NRXN1: variants seen among roughly 807,000 people sequenced by gnomAD.
The protein encoded by NRXN1 is neurexin-1.
Under a neutral mutation model 150.9 loss-of-function variants are expected in NRXN1, and 39 were observed. The observed-to-expected ratio is 0.26, with a 90% CI of 0.20 to 0.34. The LOEUF is 0.34. Ranked by LOEUF, NRXN1 falls within the 10% of genes least tolerant of loss-of-function variation. The pLI, the probability that NRXN1 is intolerant of heterozygous loss-of-function variation, is 1.00. For missense variants in NRXN1, 1,815 were observed against 1,949.9 expected (o/e 0.93, Z 1.30); for synonymous variants, 924 against 757.0 (o/e 1.22, Z -3.62).
intron 21 of NRXN1, among the ~76,000 whole-genome samples, chr2:50,004,672 T>G (rs1231494661): frequency 1.3e-5 from 2 of 152,142 alleles, no homozygotes; most frequent in Non-Finnish European, 2.9e-5. Flanking sequence ...ATCAACAACC[T>G]GAAGGTAGGC....
intron 2 of NRXN1, among the ~76,000 whole-genome samples, chr2:50,970,974 A>G (rs1694902695): frequency 6.6e-6 from 1 of 152,140 alleles, no homozygotes; most frequent in Admixed American, 6.6e-5. Flanking sequence ...GAAAATCACA[A>G]TATTTTTTAG....
intron 8 of NRXN1, among the ~76,000 whole-genome samples, chr2:50,577,068 T>C (rs1228794821): frequency 1.3e-5 from 2 of 152,116 alleles, no homozygotes; most frequent in East Asian, 1.9e-4. Context: ...TACTATTTGG[T>C]TGTGAATTTT....
At chr2:50,606,540 A>G (rs1408561544) in intron 8 of NRXN1, among the ~76,000 whole-genome samples, 1 of 151,334 alleles carries the variant, frequency 6.6e-6, no homozygotes, top group Non-Finnish European at 1.5e-5. Flanking sequence ...GTGCCTCTAC[A>G]TAACAATACT....
chr2:50,219,884 C>CAT (rs1325542476), intron 18 of NRXN1, among the ~76,000 whole-genome samples: 5 of 104,138 alleles, frequency 4.8e-5, no homozygotes, highest in African/African-American at 7.8e-5. Context: ...ACTATATATA[C>CAT]ATATATATAC....
chr2:50,292,502 TG>T (rs1432424137), intron 17 of NRXN1, among the ~76,000 whole-genome samples: 1 of 152,184 alleles, frequency 6.6e-6, no homozygotes, highest in East Asian at 1.9e-4. Flanking sequence ...CTTTAACCAC[TG>T]GTCAAAATGA....
chr2:50,930,078 T>G (rs1400339041), intron 2 of NRXN1, among the ~76,000 whole-genome samples: 1 of 152,118 alleles, frequency 6.6e-6, no homozygotes, highest in East Asian at 1.9e-4. Flanking sequence ...ACATGCTTTT[T>G]AACAGAGGAC....
intron 17 of NRXN1, among the ~76,000 whole-genome samples, chr2:50,360,211 G>A (rs1167116131): frequency 1.3e-5 from 2 of 152,122 alleles, no homozygotes; most frequent in African/African-American, 4.8e-5. Flanking sequence ...CAACTAATGG[G>A]CAAAGTAACC....
chr2:50,408,111 T>G (rs78386863), intron 17 of NRXN1, among the ~76,000 whole-genome samples: 4,851 of 152,056 alleles, frequency 0.032, 244 homozygotes, highest in African/African-American at 0.11. Flanking sequence ...TAAGAATAAA[T>G]AAGATATAAG....
chr2:50,781,547 C>G (rs1704349780), intron 5 of NRXN1, among the ~76,000 whole-genome samples: 1 of 152,196 alleles, frequency 6.6e-6, no homozygotes, highest in Admixed American at 6.5e-5. Flanking sequence ...TGGTTCCAAA[C>G]TTAGCCTTAC....
intron 18 of NRXN1, among the ~76,000 whole-genome samples, chr2:50,131,155 T>C (rs1009474802): frequency 1.3e-5 from 2 of 152,198 alleles, no homozygotes; most frequent in Admixed American, 1.3e-4. Flanking sequence ...TCCAAAAATG[T>C]GTTCCTCAGC....
At chr2:49,958,899 C>G (rs1675441310) in intron 21 of NRXN1, among the ~76,000 whole-genome samples, 1 of 152,144 alleles carries the variant, frequency 6.6e-6, no homozygotes, top group Non-Finnish European at 1.5e-5. Context: ...TCAAAGTTCT[C>G]CGTCCTGAGA....
rs192663604 is a variant in NRXN1 at position 50,405,634 on chromosome 2, C to G, written c.3364+59808G>C. 2.1e-3 allele frequency among the ~76,000 whole-genome samples: 319 copies of G among 152,216 alleles called. 4 individuals are homozygous for G. The highest frequency in any genetic ancestry group is 0.019 in the Admixed American group (292 of 15,266). Reference sequence around the variant, plus strand: ...ATTTCCTTTATGCATCCTTTCTTCACTATGTTTCTGACTTTTTCTTCTACC... The same window carrying G: ...ATTTCCTTTATGCATCCTTTCTTCAGTATGTTTCTGACTTTTTCTTCTACC... On this transcript the variant is annotated intron_variant, in intron 17 of 22. Coordinates refer to ENST00000401669, the MANE Select transcript of NRXN1 (RefSeq NM_001330078.2).
At chr2:50,673,654 G>C (rs906181571) in intron 5 of NRXN1, among the ~76,000 whole-genome samples, 1 of 151,980 alleles carries the variant, frequency 6.6e-6, no homozygotes, top group Non-Finnish European at 1.5e-5. Context: ...CCAGCAAACA[G>C]ACAGAAAAAG....
At chr2:50,017,560 A>C (rs1686856205) in intron 21 of NRXN1, among the ~76,000 whole-genome samples, 1 of 152,150 alleles carries the variant, frequency 6.6e-6, no homozygotes, top group South Asian at 2.1e-4. Flanking sequence ...CCATCACCCC[A>C]GGGTATCCTC....
intron 18 of NRXN1, among the ~76,000 whole-genome samples, chr2:50,120,655 G>A (rs1348458534): frequency 6.6e-6 from 1 of 152,026 alleles, no homozygotes; most frequent in Admixed American, 6.5e-5. Flanking sequence ...TTAAGTCATT[G>A]ACCTTTACTG....
At chr2:50,002,885 T>G (rs951417284) in intron 21 of NRXN1, among the ~76,000 whole-genome samples, 2 of 152,134 alleles carry the variant, frequency 1.3e-5, no homozygotes, top group South Asian at 4.1e-4. Context: ...ATAAAGTTCT[T>G]GAGAAAAGTT....
intron 18 of NRXN1, among the ~76,000 whole-genome samples, chr2:50,172,104 T>G (rs1481769049): frequency 6.6e-6 from 1 of 152,164 alleles, no homozygotes; most frequent in Non-Finnish European, 1.5e-5. Context: ...ACCTTTCCTA[T>G]GAACAGAAGA....
chr2:50,489,474 T>G (rs778512651), intron 15 of NRXN1, among the ~76,000 whole-genome samples: 2 of 150,932 alleles, frequency 1.3e-5, no homozygotes, highest in Non-Finnish European at 2.9e-5. Flanking sequence ...GAGATTGATA[T>G]GAGCAACGCA....
intron 17 of NRXN1, among the ~76,000 whole-genome samples, chr2:50,421,867 T>C (rs561453026): frequency 6.6e-6 from 1 of 152,126 alleles, no homozygotes; most frequent in Admixed American, 6.5e-5. Flanking sequence ...CCACAAATGA[T>C]TTGGGATAGT....
Sources: allele counts gnomAD v4.1 joint callset (sites outside exome capture counted in the v4.1 genomes callset), GRCh38; gene constraint gnomAD v4.1.1; transcripts MANE v1.5; gene names NCBI Gene and HGNC (gene_info 2026-07-23, HGNC 2026-07-21).